Variants in RASEF observed in about 807,000 individuals in gnomAD.
RASEF encodes ras and EF-hand domain-containing protein.
Under a neutral mutation model 90.1 loss-of-function variants are expected in RASEF, and 68 were observed. The ratio of observed to expected loss-of-function variants is 0.75; its 90% CI spans 0.62 to 0.92. The LOEUF (loss-of-function observed/expected upper bound fraction) is 0.92, where lower values mean the gene tolerates loss of function less well. Among genes scored for constraint, RASEF ranks in the 40% least tolerant of loss-of-function variants. The pLI is 0.00. For missense variants in RASEF, 949 were observed against 937.2 expected, an observed-to-expected ratio of 1.01 and a Z score of -0.16; for synonymous variants, 331 against 345.2, an observed-to-expected ratio of 0.96 and a Z score of 0.46.
upstream of RASEF, among the ~76,000 whole-genome samples, chr9:83,067,998 G>A (rs1830295936): frequency 6.6e-6 from 1 of 152,042 alleles, no homozygotes; most frequent in South Asian, 2.1e-4. Flanking sequence ...CGTCTCAGTC[G>A]CTGGAGTCAC....
At chr9:83,207,679 C>A in the RASEF span, among the ~76,000 whole-genome samples, 1 of 143,522 alleles carries the variant, frequency 7.0e-6, no homozygotes, top group South Asian at 2.4e-4. Context: ...GCAATCTCAG[C>A]TCACTGCAAC....
At chr9:83,038,730 A>G (rs1829786875) in intron 1 of RASEF, among the ~76,000 whole-genome samples, 1 of 152,292 alleles carries the variant, frequency 6.6e-6, no homozygotes, top group South Asian at 2.1e-4. Flanking sequence ...TAGGACCACT[A>G]TATAATAAAA....
the RASEF span, among the ~76,000 whole-genome samples, chr9:83,171,607 C>T: frequency 6.6e-6 from 1 of 151,564 alleles, no homozygotes; most frequent in African/African-American, 2.4e-5. Flanking sequence ...TCTTTTTATT[C>T]GTTACTGGTA....
rs773538200 is a variant in RASEF, at chr9:82,982,795, T to C, written c.2118-13A>G. The C allele has an allele frequency of 4.5e-6, 6 of 1,335,696 alleles. No homozygotes were observed. The highest frequency in any genetic ancestry group is 2.4e-5 in the East Asian group (1 of 41,778). The allele number at this position is 1,335,696 out of a possible 1,614,324, so 82.7% of individuals were successfully genotyped here. A position where few individuals can be genotyped will look rare whatever the true frequency, so the allele number is the denominator to read the frequency against. On this transcript the variant is annotated splice_polypyrimidine_tract_variant and intron_variant, in intron 16 of 16. Coordinates refer to ENST00000376447, the MANE Select transcript of RASEF (RefSeq NM_152573.4). ...CTTTTTCACTTCTCTGAGACAGAGA[T>C]AGAGAGAGACAGAGAGAGAGAGAGA...
the RASEF span, among the ~76,000 whole-genome samples, chr9:83,097,168 A>G: frequency 6.6e-6 from 1 of 152,210 alleles, no homozygotes; most frequent in African/African-American, 2.4e-5. Flanking sequence ...TGGCTGGGTC[A>G]AATGGTATTT....
intron 3 of RASEF, among the ~76,000 whole-genome samples, chr9:83,019,159 T>C (rs1453030014): frequency 2.6e-5 from 4 of 152,024 alleles, no homozygotes; most frequent in Admixed American, 2.6e-4. Flanking sequence ...CTCTTACTGT[T>C]AGGAGAATGA....
rs758119764 is a variant in RASEF, at chr9:83,000,519, C to T, written c.1489G>A (p.Val497Ile). Residue 497 changes from valine to isoleucine, a missense_variant, in exon 11 of 17, where the codon GTC (valine) becomes ATC (isoleucine). Around this residue, in one of 3 missense-constraint regions of RASEF, gnomAD observed 288 missense variants for 328.4 expected, o/e 0.88. Coordinates refer to ENST00000376447, the MANE Select transcript of RASEF (RefSeq NM_152573.4). ...GACCCTTGGGGCTTCCAGTCTAAGA[C>T]GGAAGCCACATCTTCTAAACCAAAT... is the stretch of plus-strand genomic sequence containing the variant. ...ETFGLEDVASVLDWKPQGSVS... is the reference protein window; with the variant it reads ...ETFGLEDVASILDWKPQGSVS... 10 of 1,613,348 alleles carry T rather than the reference C, an allele frequency of 6.2e-6. No homozygotes were observed. Among genetic ancestry groups the T allele is most frequent in the Admixed American group, 3.3e-5 (2 of 59,918 alleles).
the RASEF span, among the ~76,000 whole-genome samples, chr9:83,187,961 C>T: frequency 9.3e-3 from 1,421 of 152,190 alleles, 16 homozygotes; most frequent in African/African-American, 0.032. Flanking sequence ...ATCTGCAAGA[C>T]GGGGGTGGAG....
At chr9:83,007,348 T>C (rs1192132310) in intron 7 of RASEF, 89 bp downstream of exon 7, 8 of 1,039,472 alleles carry the variant, frequency 7.7e-6, no homozygotes, top group South Asian at 3.9e-5. Flanking sequence ...GTTCAGAACA[T>C]GGCAACTCAC....
At chr9:83,029,146 T>C (rs1364209282) in intron 1 of RASEF, among the ~76,000 whole-genome samples, 1 of 152,200 alleles carries the variant, frequency 6.6e-6, no homozygotes, top group Admixed American at 6.5e-5. Flanking sequence ...CATGGTAACA[T>C]GGTGGTTAAG....
chr9:83,115,528 G>A, the RASEF span, among the ~76,000 whole-genome samples: 1 of 152,160 alleles, frequency 6.6e-6, no homozygotes, highest in African/African-American at 2.4e-5. Context: ...GCAAGGGTGT[G>A]ATAAATGGGC....
the RASEF span, among the ~76,000 whole-genome samples, chr9:83,102,253 T>G: frequency 6.6e-6 from 1 of 152,172 alleles, no homozygotes; most frequent in Non-Finnish European, 1.5e-5. Context: ...ATTTTTTGTA[T>G]TTTTAGTAGA....
At chr9:83,184,822 G>GAA in the RASEF span, among the ~76,000 whole-genome samples, 10,743 of 150,330 alleles carry the variant, frequency 0.071, 465 homozygotes, top group East Asian at 0.13. Context: ...AATAAGAATT[G>GAA]AAAAAAAAAA....
intron 14 of RASEF, among the ~76,000 whole-genome samples, chr9:82,994,598 A>C (rs945747537): frequency 3.3e-5 from 5 of 152,190 alleles, no homozygotes; most frequent in African/African-American, 1.2e-4. Context: ...CTGTTTTCTT[A>C]ACAGATATAT....
chr9:83,131,475 A>G, the RASEF span, among the ~76,000 whole-genome samples: 2 of 152,234 alleles, frequency 1.3e-5, no homozygotes, highest in Non-Finnish European at 2.9e-5. Flanking sequence ...GGGTTAGAAG[A>G]CAGCTCATCA....
At chr9:83,129,947 A>G in the RASEF span, among the ~76,000 whole-genome samples, 79,982 of 152,096 alleles carry the variant, frequency 0.53, 21,413 homozygotes, top group East Asian at 0.79. Flanking sequence ...ATGACTGGAA[A>G]CTCTGCAGTA....
upstream of RASEF, among the ~76,000 whole-genome samples, chr9:83,065,067 C>CAAAACAAAAAACACAAAACA (rs1830270492): frequency 1.3e-5 from 2 of 152,038 alleles, no homozygotes; most frequent in Non-Finnish European, 2.9e-5. Context: ...GACTATGTCT[C>CAAAACAAAAAACACAAAACA]AAAACAAAAA....
chr9:83,082,557 TACA>T, the RASEF span, among the ~76,000 whole-genome samples: 1 of 151,986 alleles, frequency 6.6e-6, no homozygotes, highest in Non-Finnish European at 1.5e-5. Flanking sequence ...TCAAAGGGCT[TACA>T]ACAACAATTT....
the RASEF span, among the ~76,000 whole-genome samples, chr9:83,130,309 A>G: frequency 1.3e-5 from 2 of 152,168 alleles, no homozygotes; most frequent in Non-Finnish European, 2.9e-5. Context: ...GAAGGTCTAG[A>G]GACTTTACAT....
Sources: gnomAD v4.1 joint callset for allele counts (sites outside exome capture counted in the v4.1 genomes callset) on GRCh38, gnomAD v4.1.1 for gene constraint, gnomAD v4.1.1 regional missense constraint, MANE v1.5 for transcripts, NCBI Gene and HGNC (gene_info 2026-07-23, HGNC 2026-07-21) for gene names.